Variants in STXBP5L observed in about 807,000 individuals in gnomAD.
STXBP5L encodes syntaxin-binding protein 5-like.
STXBP5L carries 65 observed loss-of-function variants against 144.5 expected under a neutral mutation model. The ratio of observed to expected loss-of-function variants is 0.45; its 90% CI spans 0.37 to 0.55. The LOEUF (loss-of-function observed/expected upper bound fraction) is 0.55, where lower values mean the gene tolerates loss of function less well. Ranked by LOEUF, STXBP5L falls within the 20% of genes least tolerant of loss-of-function variation. The probability of loss-of-function intolerance (pLI) is 0.00; values close to 1 mark genes in which losing one functional copy is unlikely to be tolerated. For synonymous variants in STXBP5L, 505 were observed against 469.6 expected (o/e 1.08, Z -0.97); for missense variants, 1,298 against 1,405.5 (o/e 0.92, Z 1.22).
At chr3:121,041,011 T>C (rs1439820476) in intron 3 of STXBP5L, among the ~76,000 whole-genome samples, 1 of 152,072 alleles carries the variant, frequency 6.6e-6, no homozygotes, top group African/African-American at 2.4e-5. Context: ...TATCAGATCA[T>C]TTGGTATAGA....
At chr3:121,209,505 C>G (rs569882041) in intron 10 of STXBP5L, among the ~76,000 whole-genome samples, 2 of 152,064 alleles carry the variant, frequency 1.3e-5, no homozygotes, top group Non-Finnish European at 2.9e-5. Context: ...CATATGTATA[C>G]ATGTGCCATG....
At chr3:121,020,112 C>A (rs1945438094) in intron 3 of STXBP5L, among the ~76,000 whole-genome samples, 1 of 152,090 alleles carries the variant, frequency 6.6e-6, no homozygotes, top group Admixed American at 6.5e-5. Flanking sequence ...GAAGAACACA[C>A]TTAGAAAATT....
At chr3:121,087,513 T>C (rs1311825135) in intron 5 of STXBP5L, among the ~76,000 whole-genome samples, 1 of 152,092 alleles carries the variant, frequency 6.6e-6, no homozygotes, top group African/African-American at 2.4e-5. Flanking sequence ...TGATTCATGT[T>C]TGCACGATAT....
intron 2 of STXBP5L, among the ~76,000 whole-genome samples, chr3:120,953,325 C>CTTTTTTTT: frequency 9.5e-6 from 1 of 105,710 alleles, no homozygotes; most frequent in South Asian, 3.2e-4. Flanking sequence ...TCACAATTGA[C>CTTTTTTTT]TTTTTTTTTT....
At chr3:121,410,101 A>T (rs879559143) in intron 23 of STXBP5L, among the ~76,000 whole-genome samples, 2 of 151,808 alleles carry the variant, frequency 1.3e-5, no homozygotes, top group Admixed American at 1.3e-4. Flanking sequence ...CCCCTTTCTC[A>T]AACTGTTTTT....
At chr3:121,176,767 G>T (rs538450465) in intron 9 of STXBP5L, among the ~76,000 whole-genome samples, 1 of 151,812 alleles carries the variant, frequency 6.6e-6, no homozygotes, top group East Asian at 1.9e-4. Context: ...GAAAAGGCAT[G>T]AGAACAACCA....
At chr3:120,997,564 G>A (rs1943449456) in intron 3 of STXBP5L, among the ~76,000 whole-genome samples, 1 of 152,110 alleles carries the variant, frequency 6.6e-6, no homozygotes, top group Non-Finnish European at 1.5e-5. Context: ...TGTTGGCCAT[G>A]TGTATGTCTT....
intron 22 of STXBP5L, among the ~76,000 whole-genome samples, chr3:121,401,615 A>C (rs2046875353): frequency 7.5e-6 from 1 of 132,566 alleles, no homozygotes; most frequent in South Asian, 2.8e-4. Context: ...GAAATTGGAA[A>C]CCATCATTCT....
intron 5 of STXBP5L, among the ~76,000 whole-genome samples, chr3:121,080,069 A>G (rs1440416485): frequency 1.3e-5 from 2 of 152,312 alleles, no homozygotes; most frequent in East Asian, 3.9e-4. Flanking sequence ...TTTTATCATT[A>G]TATAATGTCC....
intron 5 of STXBP5L, among the ~76,000 whole-genome samples, chr3:121,056,363 C>T (rs994493567): frequency 1.3e-5 from 2 of 152,058 alleles, no homozygotes; most frequent in Non-Finnish European, 2.9e-5. Context: ...TATACAGACC[C>T]TTAAATTATC....
At chr3:121,064,019 C>A (rs2041418610) in intron 5 of STXBP5L, among the ~76,000 whole-genome samples, 1 of 152,096 alleles carries the variant, frequency 6.6e-6, no homozygotes, top group Non-Finnish European at 1.5e-5. Flanking sequence ...ACTGGCATTC[C>A]AAGCGCCACT....
intron 3 of STXBP5L, among the ~76,000 whole-genome samples, chr3:121,027,421 G>A (rs1053985536): frequency 1.5e-4 from 23 of 152,120 alleles, no homozygotes; most frequent in Admixed American, 1.3e-3. Flanking sequence ...TTGGAGATCA[G>A]AATCCCAAAA....
chr3:120,954,969 C>T lies in STXBP5L; in HGVS notation c.219C>T (p.Pro73=), dbSNP rs1262518207. ...TTCGGCATGGTTTTCCTCATCAGCCCACAGCATTAGCCTTTGATCCAGTTC... is the reference window on the plus strand; with the variant it reads ...TTCGGCATGGTTTTCCTCATCAGCCTACAGCATTAGCCTTTGATCCAGTTC... ...KTVRHGFPHQ[P]TALAFDPVQK... is the part of the protein sequence containing the mutation. The change falls in exon 3 of 27, where the codon CCC becomes CCT. Residue 73 remains proline, a synonymous_variant. Coordinates refer to ENST00000471454, the MANE Select transcript of STXBP5L (RefSeq NM_001308330.2). The T allele has an allele frequency of 3.7e-6, 6 of 1,612,292 alleles. No homozygotes were observed. Among genetic ancestry groups the T allele is most frequent in the South Asian group, 3.3e-5 (3 of 91,036 alleles).
rs1948088664 is a variant in STXBP5L, at chr3:121,052,430, G to A, written c.470+6895G>A. On this transcript the variant is annotated intron_variant, in intron 5 of 26. Transcript: ENST00000471454. ...GTGGGCTTCATCCCTGGGATGGAAG[G>A]CTGGTTCAATATACGCAAATCAATA... Among the ~76,000 whole-genome samples, 3 of 152,242 alleles carry A rather than the reference G, an allele frequency of 2.0e-5. No individual in the cohort carries two copies. In the South Asian group the frequency reaches 6.2e-4, roughly 32 times the overall value.
intron 9 of STXBP5L, among the ~76,000 whole-genome samples, chr3:121,167,717 A>G (rs2046552242): frequency 6.6e-6 from 1 of 152,196 alleles, no homozygotes; most frequent in Non-Finnish European, 1.5e-5. Context: ...TCTCCCTGGG[A>G]GAGAGCACCT....
chr3:121,183,041 C>G (rs1034621736), intron 9 of STXBP5L, among the ~76,000 whole-genome samples: 2 of 152,040 alleles, frequency 1.3e-5, no homozygotes, highest in Non-Finnish European at 2.9e-5. Flanking sequence ...ATCACATAAA[C>G]AGAATTTAAA....
chr3:121,313,336 G>A (rs1456763646), intron 19 of STXBP5L, among the ~76,000 whole-genome samples: 2 of 138,484 alleles, frequency 1.4e-5, no homozygotes, highest in African/African-American at 2.8e-5. Context: ...GGCTGGCCGG[G>A]CGGGGGGCTG....
chr3:121,264,935 A>G (rs781733550), intron 18 of STXBP5L, among the ~76,000 whole-genome samples: 1 of 152,126 alleles, frequency 6.6e-6, no homozygotes, highest in Non-Finnish European at 1.5e-5. Flanking sequence ...AGAGCTAACT[A>G]TATATATGCA....
intron 3 of STXBP5L, among the ~76,000 whole-genome samples, chr3:121,023,187 C>T (rs1273432615): frequency 2.6e-5 from 4 of 151,734 alleles, no homozygotes; most frequent in Admixed American, 2.0e-4. Flanking sequence ...TATACTTAAC[C>T]AAGGAGATTA....
Sources: allele counts gnomAD v4.1 joint callset (sites outside exome capture counted in the v4.1 genomes callset), GRCh38; gene constraint gnomAD v4.1.1; transcripts MANE v1.5; gene names NCBI Gene and HGNC (gene_info 2026-07-23, HGNC 2026-07-21).